Variants in ZSWIM5 observed in about 807,000 individuals in gnomAD.
ZSWIM5 encodes zinc finger SWIM domain-containing protein 5.
A neutral mutation model predicts 119.6 loss-of-function variants in ZSWIM5; 55 were observed. That is an observed-to-expected ratio of 0.46 (90% CI 0.37 to 0.58). The LOEUF (loss-of-function observed/expected upper bound fraction) is 0.58, where lower values mean the gene tolerates loss of function less well. Ranked by LOEUF, ZSWIM5 falls within the 20% of genes least tolerant of loss-of-function variation. The pLI, the probability that ZSWIM5 is intolerant of heterozygous loss-of-function variation, is 0.00. For synonymous variants in ZSWIM5, 537 were observed against 606.9 expected (o/e 0.88, Z 1.69); for missense variants, 1,193 against 1,512.8 (o/e 0.79, Z 3.51).
At chr1:45,131,021 T>C (rs1202590929) in intron 1 of ZSWIM5, among the ~76,000 whole-genome samples, 1 of 152,224 alleles carries the variant, frequency 6.6e-6, no homozygotes, top group East Asian at 1.9e-4. Flanking sequence ...ATGTAACATT[T>C]ACATTTTTGA....
chr1:45,019,249 A>T lies in ZSWIM5; in HGVS notation c.2763T>A (p.Ser921Arg), dbSNP rs1278808545. 1 of 1,613,718 alleles carries T rather than the reference A, an allele frequency of 6.2e-7. No individual in the cohort carries two copies. The highest frequency in any genetic ancestry group is 8.5e-7 in the Non-Finnish European group (1 of 1,179,978). Residue 921 changes from serine (S) to arginine (R), a missense_variant, in exon 14 of 14, where the codon AGT (serine) becomes AGA (arginine). Transcript: ENST00000359600. This position sits in a 1 kb window ranked among gnomAD's most constrained non-coding sequence, Gnocchi z 5.0. ...YTLFTPTEAT[S>R]IVAATAVSHT... ...GGGATACGGCTGTGGCAGCTACAATACTAGTAGCCTCAGTAGGGGTGAAGA... is the reference window on the plus strand; with the variant it reads ...GGGATACGGCTGTGGCAGCTACAATTCTAGTAGCCTCAGTAGGGGTGAAGA...
At chr1:45,199,195 A>ATT (rs1646143468) in intron 1 of ZSWIM5, among the ~76,000 whole-genome samples, 1 of 150,830 alleles carries the variant, frequency 6.6e-6, no homozygotes, top group African/African-American at 2.4e-5. Flanking sequence ...TTTAATTTGT[A>ATT]TTTCTCTAAG....
At position 45,190,885 on chromosome 1, in the gene ZSWIM5, A is replaced by G. The variant is rs534914387; in HGVS notation, c.595+14871T>C. ...CCAGATTTGGCTCTCTGGAGCAGGT[A>G]TTGCCTGTCGGAGAGTTCCATGTTC... On this transcript the variant is annotated intron_variant, in intron 1 of 13. Transcript: ENST00000359600. Among the ~76,000 whole-genome samples the G allele has an allele frequency of 8.4e-5, 10 of 118,490 alleles. No individual in the cohort carries two copies. In the South Asian group the frequency reaches 3.0e-3, roughly 35 times the overall value. The allele number at this position is 118,490 out of a possible 152,430, so 77.7% of individuals were successfully genotyped here.
chr1:45,156,703 C>CG, intron 1 of ZSWIM5, among the ~76,000 whole-genome samples: 1 of 143,730 alleles, frequency 7.0e-6, no homozygotes, highest in Non-Finnish European at 1.5e-5. Context: ...CTGCATATGT[C>CG]GGGGTAGTGT....
At chr1:45,117,547 CTTGTA>C (rs1380405622) in intron 1 of ZSWIM5, among the ~76,000 whole-genome samples, 6 of 152,150 alleles carry the variant, frequency 3.9e-5, no homozygotes, top group Non-Finnish European at 8.8e-5. Flanking sequence ...ATAGTACATA[CTTGTA>C]GTCCCAGCTA....
intron 1 of ZSWIM5, among the ~76,000 whole-genome samples, chr1:45,182,903 A>G (rs1418192776): frequency 1.3e-4 from 19 of 151,858 alleles, no homozygotes; most frequent in African/African-American, 3.9e-4. Flanking sequence ...CAGACCTAAT[A>G]GACATCTACA....
chr1:45,143,161 G>A (rs2149034964), intron 1 of ZSWIM5, among the ~76,000 whole-genome samples: 1 of 126,740 alleles, frequency 7.9e-6, no homozygotes. Flanking sequence ...GACAGAGTGA[G>A]ACTCTGTCTC....
At chr1:45,180,290 C>G (rs375002770) in intron 1 of ZSWIM5, among the ~76,000 whole-genome samples, 1 of 152,206 alleles carries the variant, frequency 6.6e-6, no homozygotes, top group East Asian at 1.9e-4. Context: ...TATCCTGCAC[C>G]TGGCTCGGAG....
chr1:45,119,091 A>G (rs947547841), intron 1 of ZSWIM5, among the ~76,000 whole-genome samples: 1 of 152,230 alleles, frequency 6.6e-6, no homozygotes, highest in African/African-American at 2.4e-5. Context: ...ACTGGAAGAA[A>G]AGCAGCCAAC....
chr1:45,069,475 A>T (rs944303042), intron 2 of ZSWIM5, among the ~76,000 whole-genome samples: 1 of 152,070 alleles, frequency 6.6e-6, no homozygotes, highest in East Asian at 1.9e-4. Flanking sequence ...ATTTTGTTCA[A>T]TTATTTCATT....
chr1:45,168,084 T>A (rs1645919054), intron 1 of ZSWIM5, among the ~76,000 whole-genome samples: 1 of 152,030 alleles, frequency 6.6e-6, no homozygotes, highest in Non-Finnish European at 1.5e-5. Context: ...CAAATGCCCA[T>A]CAATGATAGA....
chr1:45,131,861 A>G (rs1209646544), intron 1 of ZSWIM5, among the ~76,000 whole-genome samples: 2 of 151,530 alleles, frequency 1.3e-5, no homozygotes, highest in Non-Finnish European at 2.9e-5. Flanking sequence ...ACTTCTTACA[A>G]TTAGTAGCTA....
intron 1 of ZSWIM5, among the ~76,000 whole-genome samples, chr1:45,106,756 G>A (rs1011550464): frequency 1.3e-5 from 2 of 152,204 alleles, no homozygotes; most frequent in African/African-American, 4.8e-5. Flanking sequence ...TGACTATGGC[G>A]GTTTTGTCGA....
intron 1 of ZSWIM5, among the ~76,000 whole-genome samples, chr1:45,162,882 C>T (rs979120030): frequency 6.6e-5 from 10 of 152,246 alleles, no homozygotes. Context: ...CTGTAGATTC[C>T]ACCTCTGGGG....
intron 1 of ZSWIM5, among the ~76,000 whole-genome samples, chr1:45,148,875 T>C (rs770128337): frequency 3.4e-4 from 52 of 152,266 alleles, no homozygotes; most frequent in Non-Finnish European, 6.5e-4. Flanking sequence ...TGTCCTATAA[T>C]ATTCATACTA....
At chr1:45,149,755 T>C (rs1645784980) in intron 1 of ZSWIM5, among the ~76,000 whole-genome samples, 1 of 152,236 alleles carries the variant, frequency 6.6e-6, no homozygotes, top group African/African-American at 2.4e-5. Flanking sequence ...ATCTTCATAA[T>C]AAATCTATTT....
intron 1 of ZSWIM5, among the ~76,000 whole-genome samples, chr1:45,171,485 G>T (rs979150078): frequency 6.6e-6 from 1 of 151,946 alleles, no homozygotes; most frequent in Non-Finnish European, 1.5e-5. Context: ...TCTCTGAAAC[G>T]AAAGTCTACT....
chr1:45,115,623 GC>G (rs563329818), intron 1 of ZSWIM5, among the ~76,000 whole-genome samples: 323 of 151,244 alleles, frequency 2.1e-3, no homozygotes, highest in African/African-American at 7.4e-3. Flanking sequence ...CGGGATGGCG[GC>G]CGGGAAGAGG....
intron 2 of ZSWIM5, among the ~76,000 whole-genome samples, chr1:45,063,647 C>A (rs1365753479): frequency 6.6e-6 from 1 of 152,134 alleles, no homozygotes; most frequent in Non-Finnish European, 1.5e-5. Context: ...AAAAACCCAA[C>A]CGTTCTCATT....
Sources: allele counts gnomAD v4.1 joint callset (sites outside exome capture counted in the v4.1 genomes callset), GRCh38; gene constraint gnomAD v4.1.1; non-coding constraint Gnocchi (gnomAD v3.1); transcripts MANE v1.5; gene names NCBI Gene and HGNC (gene_info 2026-07-23, HGNC 2026-07-21).